NBPF9: variants seen among roughly 807,000 people sequenced by gnomAD.
The protein encoded by NBPF9 is NBPF member 9, also known as NBPF family member NBPF9.
In NBPF9, 91 loss-of-function variants were observed where a neutral mutation model predicts 97.8. The observed-to-expected ratio is 0.93, with a 90% CI of 0.79 to 1.11. The LOEUF is 1.11. Ranked by LOEUF, NBPF9 falls within the 50% of genes least tolerant of loss-of-function variation. The pLI is 0.00. For synonymous variants in NBPF9, 334 were observed against 359.5 expected (o/e 0.93, Z 0.80); for missense variants, 992 against 939.5 (o/e 1.06, Z -0.73).
chr1:149,079,307 G>C, intron 8 of NBPF9, 86 bp from the exon 9 acceptor site: 16 of 1,334,786 alleles, frequency 1.2e-5, no homozygotes, highest in Non-Finnish European at 1.3e-5. Context: ...CTGAGATAAT[G>C]TCCTCAAGGA....
intron 9 of NBPF9, 23 bp downstream of exon 9, chr1:149,078,984 A>T: frequency 9.0e-7 from 1 of 1,107,536 alleles, no homozygotes; most frequent in East Asian, 2.5e-5. Context: ...GTTTTGGGTC[A>T]TCAGGGCCTA....
intron 7 of NBPF9, among the ~76,000 whole-genome samples, chr1:149,081,087 ACTCT>A (rs1553656615): frequency 2.0e-5 from 3 of 151,504 alleles, no homozygotes; most frequent in African/African-American, 7.3e-5. Flanking sequence ...TCACCAAGGT[ACTCT>A]CTTTTATTTT....
At chr1:149,095,650 A>T (rs1417080953) in intron 4 of NBPF9, among the ~76,000 whole-genome samples, 1 of 149,942 alleles carries the variant, frequency 6.7e-6, no homozygotes, top group Non-Finnish European at 1.5e-5. Context: ...AAGGTGAAAG[A>T]TCTGAACACC....
exon 10 of NBPF9, chr1:149,077,886 G>A (rs782813930): frequency 5.7e-6 from 9 of 1,566,746 alleles, no homozygotes; most frequent in Non-Finnish European, 7.9e-6. Flanking sequence ...GTGTTACCTG[G>A]GGGCAGATGA....
intron 4 of NBPF9, among the ~76,000 whole-genome samples, chr1:149,095,623 C>CAAAAAAAAAAAAAAA (rs373341524): frequency 9.9e-6 from 1 of 101,236 alleles, no homozygotes; most frequent in Admixed American, 1.0e-4. Flanking sequence ...CAACACAAAG[C>CAAAAAAAAAAAAAAA]AAAAAAAAAA....
At position 149,059,313 on chromosome 1, in the gene NBPF9, G is replaced by C. The variant is rs1575822650; in HGVS notation, c.2586-216C>G. ...AGGGAGAGACAGAGACAGAGACAGA[G>C]AGAAAGTGACCTAGTGAATTGGCCG... On this transcript the variant is annotated intron_variant, in intron 25 of 29. Coordinates refer to ENST00000584027, the Ensembl canonical transcript of NBPF9. 4 of 482,972 alleles carry C rather than the reference G, an allele frequency of 8.3e-6. 1 individual carries two copies. Among genetic ancestry groups the C allele is most frequent in the East Asian group, 2.8e-5 (1 of 35,492 alleles). 29.9% of individuals were successfully genotyped at this position (482,972 alleles called of 1,614,324 possible). A position where few individuals can be genotyped will look rare whatever the true frequency, so the allele number is the denominator to read the frequency against.
chr1:149,079,533 C>G (rs1282627089), intron 8 of NBPF9, among the ~76,000 whole-genome samples: 1 of 149,590 alleles, frequency 6.7e-6, no homozygotes, highest in African/African-American at 2.5e-5. Flanking sequence ...TGGCCATGGA[C>G]ATTTCCATGT....
intron 13 of NBPF9, 97 bp from the exon 14 acceptor site, chr1:149,073,029 G>A (rs1463082209): frequency 3.7e-6 from 5 of 1,353,322 alleles, no homozygotes; most frequent in Non-Finnish European, 5.3e-6. Flanking sequence ...TCCTCAAGGA[G>A]ACCTCGAAGC....
intron 13 of NBPF9, 30 bp downstream of exon 13, chr1:149,073,738 C>A (rs782072374): frequency 7.8e-6 from 12 of 1,537,934 alleles, no homozygotes; most frequent in Non-Finnish European, 1.1e-5. Flanking sequence ...CACACCTGCC[C>A]CCCTGCCTGC....
At chr1:149,071,032 C>A in exon 16 of NBPF9, 8 of 1,611,588 alleles carry the variant, frequency 5.0e-6, no homozygotes, top group Non-Finnish European at 6.8e-6. Flanking sequence ...TTTGGTTTTC[C>A]TATGTGGCTG....
chr1:149,052,581 G>A (rs670673), downstream of NBPF9, among the ~76,000 whole-genome samples: 19,581 of 144,806 alleles, frequency 0.14, 632 homozygotes, highest in Non-Finnish European at 0.18. Flanking sequence ...GCTTTCCTGG[G>A]TATCCAGCTT....
intron 11 of NBPF9, 81 bp from the exon 12 acceptor site, chr1:149,075,945 C>T: frequency 9.9e-7 from 1 of 1,013,088 alleles, no homozygotes; most frequent in East Asian, 2.4e-5. Context: ...AGGGATGTCA[C>T]TGGCAGCCTT....
intron 4 of NBPF9, among the ~76,000 whole-genome samples, chr1:149,094,065 G>A (rs1367394764): frequency 6.6e-6 from 1 of 151,736 alleles, no homozygotes; most frequent in Non-Finnish European, 1.5e-5. Context: ...AACTCAGGAG[G>A]TGGAGGTTGC....
intron 7 of NBPF9, among the ~76,000 whole-genome samples, chr1:149,081,451 G>A (rs79200116): frequency 0.57 from 82,525 of 144,588 alleles, 23,997 homozygotes; most frequent in African/African-American, 0.63. Context: ...TCACTTATAG[G>A]TAGCACAGGT....
At chr1:149,055,987 T>C (rs587748403) in intron 29 of NBPF9, 88 bp from the exon 30 acceptor site, 20 of 1,607,804 alleles carry the variant, frequency 1.2e-5, no homozygotes, top group South Asian at 1.1e-4. Context: ...CATAAGGAAG[T>C]GGTTAGAAAA....
exon 30 of NBPF9, chr1:149,055,686 C>T (rs782142017): frequency 4.4e-6 from 7 of 1,603,462 alleles, no homozygotes; most frequent in Non-Finnish European, 5.9e-6. Context: ...CCATCTGGAA[C>T]ACCAGGTGGA....
downstream of NBPF9, among the ~76,000 whole-genome samples, chr1:149,052,661 T>TATAC (rs1304451118): frequency 3.4e-5 from 5 of 146,378 alleles, no homozygotes; most frequent in Non-Finnish European, 7.8e-5. Flanking sequence ...TACACACACA[T>TATAC]ATACATTTCA....
intron 17 of NBPF9, among the ~76,000 whole-genome samples, chr1:149,067,081 C>G: frequency 9.5e-6 from 1 of 105,498 alleles, no homozygotes; most frequent in Non-Finnish European, 2.0e-5. Context: ...GAAGAGCAAC[C>G]CCAAAACACG....
chr1:149,099,880 G>A (rs2082033957), intron 3 of NBPF9, among the ~76,000 whole-genome samples: 1 of 150,580 alleles, frequency 6.6e-6, no homozygotes, highest in African/African-American at 2.4e-5. Flanking sequence ...TACTAAGGAA[G>A]CTGAGGTGGG....
Sources: gnomAD v4.1 joint callset for allele counts (sites outside exome capture counted in the v4.1 genomes callset) on GRCh38, gnomAD v4.1.1 for gene constraint, MANE v1.5 for transcripts, NCBI Gene and HGNC (gene_info 2026-07-23, HGNC 2026-07-21) for gene names.